VDAC1: variants seen among roughly 807,000 people sequenced by gnomAD.
The protein encoded by VDAC1 is non-selective voltage-gated ion channel VDAC1.
A neutral mutation model predicts 34.7 loss-of-function variants in VDAC1; 10 were observed. The observed-to-expected ratio is 0.29, with a 90% CI of 0.18 to 0.49. The LOEUF is 0.49. VDAC1 is among the 20% of genes least tolerant of loss of function. The pLI, the probability that VDAC1 is intolerant of heterozygous loss-of-function variation, is 0.99. For synonymous variants in VDAC1, 130 were observed against 136.0 expected (o/e 0.96, Z 0.30); for missense variants, 230 against 347.9 (o/e 0.66, Z 2.69).
the VDAC1 span, among the ~76,000 whole-genome samples, chr5:134,074,122 C>G: frequency 6.6e-6 from 1 of 151,872 alleles, no homozygotes; most frequent in Admixed American, 6.6e-5. Flanking sequence ...ACCAGCCTGG[C>G]TAACATGGTG....
the VDAC1 span, among the ~76,000 whole-genome samples, chr5:134,111,379 C>T: frequency 1.3e-5 from 2 of 152,168 alleles, no homozygotes; most frequent in African/African-American, 4.8e-5. Context: ...TCTGGGGCCT[C>T]CTTGCAGCTG....
At position 133,975,871 on chromosome 5, in the gene VDAC1, C is replaced by T. The variant is rs564690687; in HGVS notation, c.702G>A (p.Ser234=). The part of the protein sequence containing the change: ...KYQIDPDACF[S]AKVNNSSLIG... ...GATGCGTGATTCCACAGATACCCACCGAGAAGCAGGCGTCAGGGTCAATCT... is the reference window on the plus strand; with the variant it reads ...GATGCGTGATTCCACAGATACCCACTGAGAAGCAGGCGTCAGGGTCAATCT... The change falls in exon 7 of 9, where the codon TCG becomes TCA. Residue 234 remains serine, a splice_region_variant and synonymous_variant. Coordinates refer to ENST00000265333, the MANE Select transcript of VDAC1 (RefSeq NM_003374.3). The T allele has an allele frequency of 5.0e-6, 8 of 1,611,644 alleles. No individual in the cohort carries two copies. The highest frequency in any genetic ancestry group is 2.7e-5 in the African/African-American group (2 of 74,778).
At chr5:134,069,824 A>AGGAGGTCGGGACAAGAT in the VDAC1 span, among the ~76,000 whole-genome samples, 1 of 152,160 alleles carries the variant, frequency 6.6e-6, no homozygotes, top group African/African-American at 2.4e-5. Flanking sequence ...AGGATGAGAT[A>AGGAGGTCGGGACAAGAT]GGAGGTCGGG....
chr5:134,099,070 A>G, the VDAC1 span, among the ~76,000 whole-genome samples: 1 of 152,234 alleles, frequency 6.6e-6, no homozygotes, highest in African/African-American at 2.4e-5. Context: ...GGAGACTCAT[A>G]GAGAGACACT....
the VDAC1 span, among the ~76,000 whole-genome samples, chr5:134,103,365 C>T: frequency 4.6e-5 from 7 of 152,240 alleles, no homozygotes; most frequent in East Asian, 1.2e-3. Flanking sequence ...CCAAGTGATC[C>T]GGCCACCTCG....
intron 1 of VDAC1, among the ~76,000 whole-genome samples, chr5:133,993,781 T>C (rs1344575851): frequency 6.6e-6 from 1 of 152,222 alleles, no homozygotes; most frequent in African/African-American, 2.4e-5. Context: ...CAAACATTTA[T>C]TAAGCACCTC....
At chr5:134,094,071 G>A in the VDAC1 span, among the ~76,000 whole-genome samples, 1 of 152,252 alleles carries the variant, frequency 6.6e-6, no homozygotes, top group Non-Finnish European at 1.5e-5. Flanking sequence ...TGAGGCCAGT[G>A]AGCGGTGAAG....
chr5:133,985,637 G>C (rs960579354), intron 5 of VDAC1, among the ~76,000 whole-genome samples: 3 of 152,180 alleles, frequency 2.0e-5, no homozygotes, highest in African/African-American at 4.8e-5. Flanking sequence ...CTGAGCGACA[G>C]AGCAAGATGT....
chr5:133,999,880 C>G (rs991953219), intron 1 of VDAC1, among the ~76,000 whole-genome samples: 3 of 152,070 alleles, frequency 2.0e-5, no homozygotes, highest in Non-Finnish European at 4.4e-5. Context: ...GAAGAGAGTA[C>G]TATGGAAAAG....
intron 1 of VDAC1, among the ~76,000 whole-genome samples, chr5:133,995,305 A>T (rs1753256068): frequency 6.6e-6 from 1 of 152,226 alleles, no homozygotes; most frequent in Non-Finnish European, 1.5e-5. Flanking sequence ...AGCAGCACGC[A>T]AGTGAACTTG....
chr5:134,005,537 CAAAAT>C (rs1332904566), upstream of VDAC1: 1 of 152,214 alleles, frequency 6.6e-6, no homozygotes, highest in Non-Finnish European at 1.5e-5. Context: ...GGCAAAAAGA[CAAAAT>C]AAAACAAAAC....
the VDAC1 span, among the ~76,000 whole-genome samples, chr5:134,081,488 C>A: frequency 2.0e-5 from 3 of 152,188 alleles, no homozygotes; most frequent in Admixed American, 6.5e-5. Flanking sequence ...CAAAACAACA[C>A]AATTTAGTAC....
the VDAC1 span, among the ~76,000 whole-genome samples, chr5:134,097,574 C>A: frequency 6.6e-6 from 1 of 152,358 alleles, no homozygotes; most frequent in African/African-American, 2.4e-5. Flanking sequence ...TTCCTGGAAG[C>A]CCTCGGCCAC....
At chr5:134,084,257 G>A in the VDAC1 span, among the ~76,000 whole-genome samples, 1,009 of 152,242 alleles carry the variant, frequency 6.6e-3, 14 homozygotes, top group African/African-American at 0.023. Flanking sequence ...GGGAGGTGCC[G>A]AGGTAGGAAG....
Position 133,991,135 on chromosome 5 carries a change from G to A in VDAC1, c.137C>T (p.Ser46Leu), listed in dbSNP as rs769081892. 2.5e-6 allele frequency: 4 copies of A among 1,612,142 alleles called. No individual in the cohort carries two copies. The highest frequency in any genetic ancestry group is 1.1e-5 in the South Asian group (1 of 91,080). ...ENGLEFTSSG[S>L]ANTETTKVTG... is the part of the protein sequence containing the mutation. Reference sequence around the variant, plus strand: ...CACTTTGGTGGTCTCAGTGTTGGCTGAGCCTGAGCTTGTAAATTCCTTCAA... The same window carrying A: ...CACTTTGGTGGTCTCAGTGTTGGCTAAGCCTGAGCTTGTAAATTCCTTCAA... Residue 46 changes from serine (S) to leucine (L), a missense_variant, in exon 4 of 9, where the codon TCA (serine) becomes TTA (leucine). Physicochemically the swap from Ser to Leu is moderately radical, Grantham distance 145. Transcript: ENST00000265333.
chr5:134,042,342 C>T, the VDAC1 span, among the ~76,000 whole-genome samples: 1 of 152,162 alleles, frequency 6.6e-6, no homozygotes, highest in South Asian at 2.1e-4. Context: ...ACACCCTGGA[C>T]CTCACGGCCC....
chr5:134,049,658 C>T, the VDAC1 span, among the ~76,000 whole-genome samples: 2 of 152,186 alleles, frequency 1.3e-5, no homozygotes, highest in African/African-American at 4.8e-5. Context: ...CAGCTCACTG[C>T]AACCTCCATC....
chr5:134,019,654 A>G, the VDAC1 span, among the ~76,000 whole-genome samples: 2 of 152,140 alleles, frequency 1.3e-5, no homozygotes, highest in African/African-American at 4.8e-5. Context: ...GCAACATAAC[A>G]GAAGCCACAT....
At chr5:134,015,079 G>C in the VDAC1 span, among the ~76,000 whole-genome samples, 12 of 152,244 alleles carry the variant, frequency 7.9e-5, no homozygotes, top group South Asian at 2.5e-3. Flanking sequence ...TGCAGCTGGA[G>C]GCCATTATTC....
Sources: gnomAD v4.1 joint callset for allele counts (sites outside exome capture counted in the v4.1 genomes callset) on GRCh38, gnomAD v4.1.1 for gene constraint, MANE v1.5 for transcripts, NCBI Gene and HGNC (gene_info 2026-07-23, HGNC 2026-07-21) for gene names.